Variants in ULK4 observed in about 807,000 individuals in gnomAD.
ULK4 encodes inactive serine/threonine-protein kinase ULK4.
A neutral mutation model predicts 160.6 loss-of-function variants in ULK4; 133 were observed. The ratio of observed to expected loss-of-function variants is 0.83; its 90% CI spans 0.72 to 0.96. ULK4 has a LOEUF of 0.96. Among genes scored for constraint, ULK4 ranks in the 40% least tolerant of loss-of-function variants. ULK4 has a pLI of 0.00. For synonymous variants in ULK4, 534 were observed against 539.8 expected, an observed-to-expected ratio of 0.99 and a Z score of 0.15; for missense variants, 1,580 against 1,499.5, an observed-to-expected ratio of 1.05 and a Z score of -0.89.
chr3:41,760,585 T>C (rs2038954043), intron 21 of ULK4, among the ~76,000 whole-genome samples: 1 of 152,086 alleles, frequency 6.6e-6, no homozygotes, highest in Non-Finnish European at 1.5e-5. Flanking sequence ...AAGTGGAAAA[T>C]TCCACACATA....
intron 32 of ULK4, among the ~76,000 whole-genome samples, chr3:41,510,404 A>G (rs1003305539): frequency 2.6e-5 from 4 of 152,212 alleles, no homozygotes; most frequent in African/African-American, 9.6e-5. Flanking sequence ...ATACTCCACT[A>G]ACAGCACTAG....
chr3:41,704,854 AAG>A (rs1337787825), intron 27 of ULK4, among the ~76,000 whole-genome samples: 1 of 152,170 alleles, frequency 6.6e-6, no homozygotes, highest in Non-Finnish European at 1.5e-5. Context: ...CCAGGAAGGA[AAG>A]AGAATAATAA....
intron 29 of ULK4, among the ~76,000 whole-genome samples, chr3:41,677,097 T>TG (rs2035747938): frequency 6.6e-6 from 1 of 151,710 alleles, no homozygotes; most frequent in Non-Finnish European, 1.5e-5. Context: ...TTTCTAGAGA[T>TG]GGGGTTTTGC....
intron 20 of ULK4, among the ~76,000 whole-genome samples, chr3:41,792,561 C>T (rs1327684788): frequency 6.6e-6 from 1 of 152,142 alleles, no homozygotes; most frequent in Non-Finnish European, 1.5e-5. Context: ...ACCAACTTCC[C>T]ATTGTTATAA....
At chr3:41,305,211 C>T (rs1271335469) in intron 35 of ULK4, among the ~76,000 whole-genome samples, 1 of 151,296 alleles carries the variant, frequency 6.6e-6, no homozygotes, top group African/African-American at 2.4e-5. Context: ...TCCCTCTCCC[C>T]ACGGTCTCCC....
chr3:41,911,225 T>C, intron 11 of ULK4, 92 bp downstream of exon 11: 1 of 1,235,796 alleles, frequency 8.1e-7, no homozygotes, highest in Non-Finnish European at 1.2e-6. Flanking sequence ...GTTCTTTATC[T>C]CTGTGTAACA....
At chr3:41,864,650 A>T (rs1436907762) in intron 17 of ULK4, among the ~76,000 whole-genome samples, 1 of 152,080 alleles carries the variant, frequency 6.6e-6, no homozygotes, top group African/African-American at 2.4e-5. Context: ...GTGGTGTTTC[A>T]TGCCTATAAT....
At chr3:41,706,558 T>G (rs1382008016) in intron 25 of ULK4, among the ~76,000 whole-genome samples, 1 of 151,424 alleles carries the variant, frequency 6.6e-6, no homozygotes, top group Non-Finnish European at 1.5e-5. Context: ...CCAAGCGCAG[T>G]GGCTCACACC....
intron 35 of ULK4, among the ~76,000 whole-genome samples, chr3:41,287,280 T>G (rs1409121176): frequency 2.6e-5 from 4 of 152,100 alleles, no homozygotes; most frequent in Non-Finnish European, 5.9e-5. Context: ...GTTAGGGACT[T>G]TTTTCTTCTA....
rs572842262 is a variant in ULK4 at position 41,590,169 on chromosome 3, AT to A, written c.3121-24040del. 2.0e-3 allele frequency among the ~76,000 whole-genome samples: 307 copies of A among 151,742 alleles called. 3 individuals carry two copies. The highest frequency in any genetic ancestry group is 0.01 in the South Asian group (49 of 4,806). On this transcript the variant is annotated intron_variant, in intron 31 of 36. Transcript: ENST00000301831. ...AGGCGCCTGCCACCACGCCCAGCTA[AT>A]TTTTTGTATTTTTAGTAGAGACAGG...
chr3:41,599,018 T>C (rs1395016395), intron 31 of ULK4, among the ~76,000 whole-genome samples: 1 of 152,248 alleles, frequency 6.6e-6, no homozygotes, highest in Non-Finnish European at 1.5e-5. Flanking sequence ...CCTTTGCCTG[T>C]GGCACCCTTC....
intron 29 of ULK4, among the ~76,000 whole-genome samples, chr3:41,670,484 C>T (rs994579942): frequency 2.6e-5 from 4 of 151,930 alleles, no homozygotes; most frequent in South Asian, 2.1e-4. Flanking sequence ...GATAAAAGTA[C>T]ATCAATAATT....
At chr3:41,764,774 T>C (rs1453994200) in intron 21 of ULK4, among the ~76,000 whole-genome samples, 1 of 152,246 alleles carries the variant, frequency 6.6e-6, no homozygotes, top group Non-Finnish European at 1.5e-5. Context: ...TCTTCAACTT[T>C]AAAATAAAGT....
Position 41,864,813 on chromosome 3 carries a change from A to G in ULK4, c.1656+19061T>C, listed in dbSNP as rs111386180. ...ATAGTGTCCCTTCCTTCTCTGATCTAAGACCAATTACCCTAGGTCATTCCC... is the reference window on the plus strand; with the variant it reads ...ATAGTGTCCCTTCCTTCTCTGATCTGAGACCAATTACCCTAGGTCATTCCC... On this transcript the variant is annotated intron_variant, in intron 17 of 36. Coordinates refer to ENST00000301831, the MANE Select transcript of ULK4 (RefSeq NM_017886.4). Among the ~76,000 whole-genome samples the G allele has an allele frequency of 9.6e-3, 1,456 of 152,216 alleles. 5 individuals carry two copies. The highest frequency in any genetic ancestry group is 0.016 in the Non-Finnish European group (1,097 of 68,002).
chr3:41,390,049 A>G (rs1253021495), intron 35 of ULK4, among the ~76,000 whole-genome samples: 1 of 152,052 alleles, frequency 6.6e-6, no homozygotes. Context: ...TAAATTTCAG[A>G]TCCTGTTATT....
intron 35 of ULK4, among the ~76,000 whole-genome samples, chr3:41,310,511 A>G (rs2080028613): frequency 6.6e-6 from 1 of 152,190 alleles, no homozygotes; most frequent in Admixed American, 6.5e-5. Flanking sequence ...ACACAACATA[A>G]AACGGAAGAA....
chr3:41,927,018 G>A (rs760005035), intron 5 of ULK4, among the ~76,000 whole-genome samples: 10 of 152,074 alleles, frequency 6.6e-5, no homozygotes, highest in Non-Finnish European at 1.0e-4. Context: ...TATACTCCTC[G>A]AGAAGAGGAA....
chr3:41,281,496 A>G (rs1195847872), intron 35 of ULK4, among the ~76,000 whole-genome samples: 1 of 152,196 alleles, frequency 6.6e-6, no homozygotes, highest in Non-Finnish European at 1.5e-5. Context: ...CTGGCTCAAT[A>G]TATGCAAATC....
intron 20 of ULK4, among the ~76,000 whole-genome samples, chr3:41,793,514 CCT>C (rs2040210328): frequency 6.6e-6 from 1 of 152,030 alleles, no homozygotes; most frequent in Admixed American, 6.6e-5. Flanking sequence ...TTATCTGACC[CCT>C]GAGAGATCTT....
Sources: gnomAD v4.1 joint callset for allele counts (sites outside exome capture counted in the v4.1 genomes callset) on GRCh38, gnomAD v4.1.1 for gene constraint, MANE v1.5 for transcripts, NCBI Gene and HGNC (gene_info 2026-07-23, HGNC 2026-07-21) for gene names.